Variants in ADGRL3 observed in about 807,000 individuals in gnomAD.
ADGRL3 encodes the protein calcium-independent alpha-latrotoxin receptor 3.
Under a neutral mutation model 153.5 loss-of-function variants are expected in ADGRL3, and 62 were observed. The ratio of observed to expected loss-of-function variants is 0.40; its 90% CI spans 0.33 to 0.50. The LOEUF is 0.50. Among genes scored for constraint, ADGRL3 ranks in the 20% least tolerant of loss-of-function variants. ADGRL3 has a pLI of 0.47. For missense variants in ADGRL3, 1,641 were observed against 1,859.4 expected (o/e 0.88, Z 2.16); for synonymous variants, 710 against 672.5 (o/e 1.06, Z -0.86).
chr4:62,064,501 A>G (rs1741918810), intron 25 of ADGRL3, among the ~76,000 whole-genome samples: 1 of 152,132 alleles, frequency 6.6e-6, no homozygotes, highest in Admixed American at 6.6e-5. Flanking sequence ...TAAAAGTTTT[A>G]TAAAAGTCCT....
chr4:61,564,617 A>G (rs1199932544), intron 4 of ADGRL3, among the ~76,000 whole-genome samples: 3 of 152,184 alleles, frequency 2.0e-5, no homozygotes, highest in Non-Finnish European at 4.4e-5. Flanking sequence ...ATATCCTTCA[A>G]GAAAATTTCC....
chr4:61,911,492 A>G (rs1332764065), intron 12 of ADGRL3, among the ~76,000 whole-genome samples: 1 of 152,144 alleles, frequency 6.6e-6, no homozygotes, highest in Non-Finnish European at 1.5e-5. Flanking sequence ...GGTTATTCAC[A>G]TGCTTGCTGG....
At chr4:61,606,003 G>A (rs971936606) in intron 5 of ADGRL3, among the ~76,000 whole-genome samples, 1 of 152,110 alleles carries the variant, frequency 6.6e-6, no homozygotes, top group East Asian at 1.9e-4. Flanking sequence ...ATAAAATATG[G>A]TAGATGCAAT....
intron 19 of ADGRL3, among the ~76,000 whole-genome samples, chr4:61,985,748 G>T (rs992038974): frequency 6.6e-6 from 1 of 152,026 alleles, no homozygotes; most frequent in African/African-American, 2.4e-5. Flanking sequence ...ACTTATTCCC[G>T]TTGAGTCCTT....
intron 4 of ADGRL3, among the ~76,000 whole-genome samples, chr4:61,521,161 G>T (rs1230459340): frequency 1.3e-5 from 2 of 152,140 alleles, no homozygotes; most frequent in East Asian, 1.9e-4. Flanking sequence ...TAGGGGGATT[G>T]TCTATTTGGT....
intron 21 of ADGRL3, among the ~76,000 whole-genome samples, chr4:62,024,093 A>G (rs752918610): frequency 2.6e-5 from 4 of 152,188 alleles, no homozygotes; most frequent in African/African-American, 9.6e-5. Context: ...AGAAACTTAT[A>G]TAACATTGAC....
chr4:61,478,874 T>C (rs1313072146), intron 2 of ADGRL3, among the ~76,000 whole-genome samples: 1 of 152,090 alleles, frequency 6.6e-6, no homozygotes, highest in Non-Finnish European at 1.5e-5. Flanking sequence ...ACAAATTTTA[T>C]TTCAGTTAAT....
At chr4:61,325,041 C>T (rs2095437606) in intron 1 of ADGRL3, among the ~76,000 whole-genome samples, 1 of 152,120 alleles carries the variant, frequency 6.6e-6, no homozygotes, top group Middle Eastern at 3.2e-3. Flanking sequence ...AGGTCGGGCG[C>T]AGTGGCTCAT....
intron 8 of ADGRL3, among the ~76,000 whole-genome samples, chr4:61,800,807 T>C (rs1219095930): frequency 6.6e-6 from 1 of 152,216 alleles, no homozygotes; most frequent in Non-Finnish European, 1.5e-5. Flanking sequence ...ATCATGAAAA[T>C]GATCCCTTTT....
At chr4:61,975,582 G>C (rs188407274) in intron 17 of ADGRL3, among the ~76,000 whole-genome samples, 2 of 152,090 alleles carry the variant, frequency 1.3e-5, no homozygotes, top group Admixed American at 6.6e-5. Context: ...GAGCAATGTC[G>C]TGTGACTTAT....
At chr4:61,742,445 AT>A (rs1305323355) in intron 8 of ADGRL3, among the ~76,000 whole-genome samples, 1 of 151,424 alleles carries the variant, frequency 6.6e-6, no homozygotes, top group African/African-American at 2.4e-5. Context: ...CGCCCGGCTA[AT>A]TTTTTTTGTA....
Position 61,218,540 on chromosome 4 carries a change from G to A in ADGRL3, c.-240+16775G>A, listed in dbSNP as rs550385627. On this transcript the variant is annotated intron_variant, in intron 1 of 26. Transcript: ENST00000683033. ...GACGAGATCTTGCTTAGTTGCCTGG[G>A]CTGGCTTCAAACTCCTGAGCTCAAG... Among the ~76,000 whole-genome samples, 7 of 151,918 alleles carry A rather than the reference G, an allele frequency of 4.6e-5. No individual in the cohort carries two copies. In the South Asian group the frequency reaches 1.5e-3, roughly 32 times the overall value.
intron 1 of ADGRL3, among the ~76,000 whole-genome samples, chr4:61,207,518 T>C (rs1435835784): frequency 6.6e-6 from 1 of 152,164 alleles, no homozygotes; most frequent in East Asian, 1.9e-4. Flanking sequence ...TACATGTGCA[T>C]GTGTCTTTAT....
At chr4:61,872,369 G>T (rs1205067702) in intron 9 of ADGRL3, among the ~76,000 whole-genome samples, 1 of 150,820 alleles carries the variant, frequency 6.6e-6, no homozygotes, top group East Asian at 2.0e-4. Context: ...AATAATGCCT[G>T]CCAACATACC....
At chr4:61,542,066 C>T in intron 4 of ADGRL3, among the ~76,000 whole-genome samples, 1 of 152,068 alleles carries the variant, frequency 6.6e-6, no homozygotes, top group African/African-American at 2.4e-5. Flanking sequence ...AATTTTTAAT[C>T]TAAGTTAACT....
At chr4:61,506,736 C>A (rs1004196907) in intron 3 of ADGRL3, among the ~76,000 whole-genome samples, 1 of 152,068 alleles carries the variant, frequency 6.6e-6, no homozygotes, top group African/African-American at 2.4e-5. Context: ...AATTCAGTGA[C>A]CTAAATTAGA....
chr4:61,747,120 A>C (rs1167649742), intron 8 of ADGRL3, among the ~76,000 whole-genome samples: 1 of 152,306 alleles, frequency 6.6e-6, no homozygotes, highest in East Asian at 1.9e-4. Flanking sequence ...GAAATGGATA[A>C]ATTCCTCGAC....
intron 2 of ADGRL3, among the ~76,000 whole-genome samples, chr4:61,467,966 G>A (rs2097905014): frequency 6.6e-6 from 1 of 152,018 alleles, no homozygotes; most frequent in Non-Finnish European, 1.5e-5. Context: ...TACACATGTT[G>A]CTTTCTTTTA....
Position 61,996,315 on chromosome 4 carries a change from C to T in ADGRL3, c.3261C>T (p.Tyr1087=). Residue 1087 remains tyrosine (Y), a synonymous_variant, in exon 20 of 27, where the codon TAC becomes TAT. Coordinates refer to ENST00000683033, the MANE Select transcript of ADGRL3 (RefSeq NM_001387552.1). ...DKVCWLRLDT[Y]FIWSFIGPAT... The stretch of plus-strand genomic sequence containing the variant: ...GATGTTGGCTCCGACTTGACACCTA[C>T]TTCATTTGGAGTTTTATAGGACCAG... The T allele has an allele frequency of 6.2e-7, 1 of 1,613,102 alleles. No individual in the cohort carries two copies. The highest frequency in any genetic ancestry group is 8.5e-7 in the Non-Finnish European group (1 of 1,179,252).
Sources: gnomAD v4.1 joint callset for allele counts (sites outside exome capture counted in the v4.1 genomes callset) on GRCh38, gnomAD v4.1.1 for gene constraint, MANE v1.5 for transcripts, NCBI Gene and HGNC (gene_info 2026-07-23, HGNC 2026-07-21) for gene names.